Variants in WLS observed in about 807,000 individuals in gnomAD.
WLS encodes the protein protein wntless homolog.
A neutral mutation model predicts 62.8 loss-of-function variants in WLS; 23 were observed. That is an observed-to-expected ratio of 0.37 (90% CI 0.26 to 0.52). The LOEUF is 0.52. Ranked by LOEUF, WLS falls within the 20% of genes least tolerant of loss-of-function variation. WLS has a pLI of 0.92. For missense variants in WLS, 615 were observed against 697.3 expected (o/e 0.88, Z 1.33); for synonymous variants, 246 against 244.1 (o/e 1.01, Z -0.07).
intron 1 of WLS, among the ~76,000 whole-genome samples, chr1:68,212,751 A>G (rs1649566066): frequency 2.0e-5 from 3 of 152,150 alleles, no homozygotes; most frequent in Admixed American, 2.0e-4. Flanking sequence ...CCTTCATATA[A>G]TTATCTTATT....
intron 9 of WLS, among the ~76,000 whole-genome samples, chr1:68,144,871 C>T (rs540298941): frequency 1.3e-5 from 2 of 152,302 alleles, no homozygotes; most frequent in South Asian, 4.1e-4. Context: ...ACTCATAAAG[C>T]AGCGATACGA....
At chr1:68,157,409 C>T (rs993410347) in intron 3 of WLS, among the ~76,000 whole-genome samples, 2 of 152,194 alleles carry the variant, frequency 1.3e-5, no homozygotes, top group African/African-American at 2.4e-5. Context: ...GAGACAAGTT[C>T]GTTGTATCCT....
intron 2 of WLS, among the ~76,000 whole-genome samples, chr1:68,190,796 G>A (rs752671638): frequency 2.4e-4 from 37 of 152,130 alleles, no homozygotes; most frequent in South Asian, 1.2e-3. Flanking sequence ...GGTGGCTCAC[G>A]CCTGTAATCC....
At chr1:68,162,234 C>T in intron 2 of WLS, 1 of 1,518,424 alleles carries the variant, frequency 6.6e-7, no homozygotes, top group Non-Finnish European at 9.1e-7. Flanking sequence ...TCCTGCCCTC[C>T]TTGAGAGCTT....
chr1:68,111,660 C>T (rs559151666), intron 11 of WLS, among the ~76,000 whole-genome samples: 1 of 152,284 alleles, frequency 6.6e-6, no homozygotes, highest in South Asian at 2.1e-4. Flanking sequence ...CTTTACATCT[C>T]TCTACACATA....
intron 1 of WLS, among the ~76,000 whole-genome samples, chr1:68,224,566 C>T (rs1650060307): frequency 6.6e-6 from 1 of 152,102 alleles, no homozygotes; most frequent in East Asian, 1.9e-4. Context: ...CAATAATTTC[C>T]TTTGGGGAGT....
At chr1:68,151,429 T>A (rs1231732168) in intron 5 of WLS, among the ~76,000 whole-genome samples, 1 of 152,166 alleles carries the variant, frequency 6.6e-6, no homozygotes, top group East Asian at 1.9e-4. Context: ...TGGAGTGACA[T>A]GATTCATTCA....
In WLS at chr1:68,159,353, A is replaced by G. The variant is rs76252616; in HGVS notation, c.380-106T>C. On this transcript the variant is annotated intron_variant, in intron 2 of 11. Coordinates refer to ENST00000262348, the MANE Select transcript of WLS (RefSeq NM_024911.7). ...TTGACTTGGAAACCAACGAGACAAA[A>G]GGGAAATATTAATTTCTATCAAACT... 3.4e-3 allele frequency: 4,664 copies of G among 1,374,608 alleles called. 16 individuals carry two copies. The highest frequency in any genetic ancestry group is 8.0e-3 in the Admixed American group (338 of 42,348). The allele number at this position is 1,374,608 out of a possible 1,614,324, so 85.2% of individuals were successfully genotyped here. A position where few individuals can be genotyped will look rare whatever the true frequency, so the allele number is the denominator to read the frequency against.
At position 68,142,194 on chromosome 1, in the gene WLS, G is replaced by A. The variant is rs1351865945; in HGVS notation, c.1362+2375C>T. The stretch of plus-strand genomic sequence containing the variant: ...ATCAGTCCTTCTTGACTTCAGGTGG[G>A]AGGCATTCCCCGCAGAGGCAAGATA... On this transcript the variant is annotated intron_variant, in intron 10 of 11. Coordinates refer to ENST00000262348, the MANE Select transcript of WLS (RefSeq NM_024911.7). 3.3e-5 allele frequency among the ~76,000 whole-genome samples: 5 copies of A among 152,178 alleles called. No individual in the cohort carries two copies. The East Asian group carries it at 9.6e-4, about 29-fold the overall frequency.
chr1:68,153,606 C>G lies in WLS; in HGVS notation c.714G>C (p.Lys238Asn). 6.2e-7 allele frequency: 1 copy of G among 1,614,200 alleles called. No homozygotes were observed. Among genetic ancestry groups the G allele is most frequent in the Non-Finnish European group, 8.5e-7 (1 of 1,180,036 alleles). ...TGAAGATGCTGGGCGTAAGGAAGGT[C>G]TTCATGGCAAACCACACCTTGGTGA... is the stretch of plus-strand genomic sequence containing the variant. ...GGFTKVWFAM[K>N]TFLTPSIFII... Residue 238 changes from lysine to asparagine, a missense_variant, in exon 5 of 12, where the codon AAG becomes AAC. Physicochemically the swap from Lys to Asn is moderately conservative, Grantham distance 94. Transcript: ENST00000262348.
At chr1:68,132,860 G>A (rs1371813448) in intron 11 of WLS, among the ~76,000 whole-genome samples, 4 of 152,214 alleles carry the variant, frequency 2.6e-5, no homozygotes, top group African/African-American at 9.6e-5. Flanking sequence ...AATTGTGGTT[G>A]AGTGGGTTTG....
chr1:68,185,476 G>C (rs998331107), intron 2 of WLS, among the ~76,000 whole-genome samples: 3 of 152,144 alleles, frequency 2.0e-5, no homozygotes, highest in African/African-American at 4.8e-5. Context: ...ATAGTAGGGG[G>C]TAAGAGGTGG....
intron 11 of WLS, among the ~76,000 whole-genome samples, chr1:68,113,779 C>T (rs1646257045): frequency 6.6e-6 from 1 of 152,168 alleles, no homozygotes; most frequent in South Asian, 2.1e-4. Context: ...CCCAGGTGAA[C>T]TGTCCGCAGG....
At chr1:68,131,150 A>C (rs1306485545) in intron 11 of WLS, among the ~76,000 whole-genome samples, 1 of 150,560 alleles carries the variant, frequency 6.6e-6, no homozygotes, top group African/African-American at 2.4e-5. Flanking sequence ...TGACCTTGTG[A>C]TCCACCTGCC....
chr1:68,215,625 T>C (rs1373193372), intron 1 of WLS, among the ~76,000 whole-genome samples: 1 of 152,206 alleles, frequency 6.6e-6, no homozygotes, highest in Non-Finnish European at 1.5e-5. Context: ...AGAATTTAAA[T>C]ACAAAGAAGA....
chr1:68,152,107 G>A (rs1180091900), intron 5 of WLS, among the ~76,000 whole-genome samples: 1 of 152,220 alleles, frequency 6.6e-6, no homozygotes, highest in Non-Finnish European at 1.5e-5. Context: ...ACAACTGAAA[G>A]GATGGAGTTG....
At chr1:68,102,787 G>T (rs567804862) in intron 11 of WLS, 20 of 152,280 alleles carry the variant, frequency 1.3e-4, no homozygotes, top group Non-Finnish European at 1.2e-4. Context: ...CCCCACCCAG[G>T]TCTGGCCACA....
intron 11 of WLS, among the ~76,000 whole-genome samples, chr1:68,109,625 C>T (rs912565432): frequency 4.6e-5 from 7 of 151,752 alleles, no homozygotes; most frequent in Non-Finnish European, 8.8e-5. Context: ...ATTAAAACAG[C>T]AGAGGAAAGA....
chr1:68,149,577 T>G (rs530667589), intron 6 of WLS, among the ~76,000 whole-genome samples: 1 of 152,318 alleles, frequency 6.6e-6, no homozygotes, highest in African/African-American at 2.4e-5. Context: ...AGCTGGCATA[T>G]CATCTTAGCC....
Sources: gnomAD v4.1 joint callset for allele counts (sites outside exome capture counted in the v4.1 genomes callset) on GRCh38, gnomAD v4.1.1 for gene constraint, MANE v1.5 for transcripts, NCBI Gene and HGNC (gene_info 2026-07-23, HGNC 2026-07-21) for gene names.